ZFHX3: variants seen among roughly 807,000 people sequenced by gnomAD.
The protein encoded by ZFHX3 is zinc finger homeobox protein 3.
A neutral mutation model predicts 279.1 loss-of-function variants in ZFHX3; 42 were observed. The ratio of observed to expected loss-of-function variants is 0.15; its 90% CI spans 0.12 to 0.19. The LOEUF is 0.19. Ranked by LOEUF, ZFHX3 falls within the 10% of genes least tolerant of loss-of-function variation. The pLI is 1.00. For missense variants in ZFHX3, 4,981 were observed against 4,754.0 expected, an observed-to-expected ratio of 1.05 and a Z score of -1.40; for synonymous variants, 2,293 against 1,957.8, an observed-to-expected ratio of 1.17 and a Z score of -4.52.
chr16:73,478,666 A>C (rs868828508), intron 2 of ZFHX3, among the ~76,000 whole-genome samples: 2 of 152,164 alleles, frequency 1.3e-5, no homozygotes, highest in Non-Finnish European at 2.9e-5. Context: ...CTCTTGTATA[A>C]ACAGATAATT....
chr16:73,814,973 A>G (rs1006297177), intron 1 of ZFHX3, among the ~76,000 whole-genome samples: 1 of 152,134 alleles, frequency 6.6e-6, no homozygotes, highest in Non-Finnish European at 1.5e-5. Context: ...CTCTCAAGAG[A>G]TTTTTTTAAT....
chr16:73,573,796 G>A (rs914092139), intron 2 of ZFHX3, among the ~76,000 whole-genome samples: 1 of 152,104 alleles, frequency 6.6e-6, no homozygotes, highest in Admixed American at 6.5e-5. Context: ...ATAGAAAACC[G>A]TACACAATGT....
chr16:72,894,293 C>G lies in ZFHX3; in HGVS notation c.3217-4331G>C, dbSNP rs1452842507. Among the ~76,000 whole-genome samples the G allele has an allele frequency of 2.0e-5, 3 of 152,160 alleles. No homozygotes were observed. In the East Asian group the frequency reaches 5.8e-4, roughly 29 times the overall value. On this transcript the variant is annotated intron_variant, in intron 3 of 9. Transcript: ENST00000268489. The stretch of plus-strand genomic sequence containing the variant: ...ACAAGTCCTGCTCTCCCCAGATTTT[C>G]CAAGTGTCTCGTTATTTCTTAAGTT...
intron 1 of ZFHX3, among the ~76,000 whole-genome samples, chr16:73,695,482 A>T (rs1443729300): frequency 6.6e-6 from 1 of 152,218 alleles, no homozygotes; most frequent in Non-Finnish European, 1.5e-5. Context: ...GAAGAAATCA[A>T]ACTGCTTGCC....
At chr16:72,804,657 A>G (rs543029749) in intron 7 of ZFHX3, among the ~76,000 whole-genome samples, 1 of 152,130 alleles carries the variant, frequency 6.6e-6, no homozygotes, top group East Asian at 1.9e-4. Context: ...TCAAGGGCAC[A>G]CCTTATACAG....
At chr16:73,728,644 A>G (rs529363102) in intron 1 of ZFHX3, among the ~76,000 whole-genome samples, 1 of 152,122 alleles carries the variant, frequency 6.6e-6, no homozygotes, top group Non-Finnish European at 1.5e-5. Context: ...AGTTAGAGCT[A>G]AAACAGCCCA....
intron 1 of ZFHX3, among the ~76,000 whole-genome samples, chr16:72,985,015 C>G (rs575725224): frequency 3.3e-5 from 5 of 152,012 alleles, no homozygotes; most frequent in African/African-American, 1.2e-4. Flanking sequence ...CCAACACACA[C>G]GTACCCCTAC....
chr16:73,493,865 C>T (rs2019093430), intron 2 of ZFHX3, among the ~76,000 whole-genome samples: 1 of 152,108 alleles, frequency 6.6e-6, no homozygotes, highest in Non-Finnish European at 1.5e-5. Flanking sequence ...GCACTCTGTC[C>T]CCAGACCTCA....
chr16:73,594,684 C>T (rs1420108718), intron 2 of ZFHX3, among the ~76,000 whole-genome samples: 1 of 152,134 alleles, frequency 6.6e-6, no homozygotes, highest in Non-Finnish European at 1.5e-5. Context: ...AAAGGAGTAC[C>T]TTTTCAATAA....
At chr16:73,189,871 G>T (rs1967990199) in intron 5 of ZFHX3, among the ~76,000 whole-genome samples, 1 of 152,198 alleles carries the variant, frequency 6.6e-6, no homozygotes, top group Non-Finnish European at 1.5e-5. Flanking sequence ...AGGCAGGAGG[G>T]TCACCTGAGC....
chr16:73,078,664 A>C (rs535976148), intron 8 of ZFHX3, among the ~76,000 whole-genome samples: 1 of 147,542 alleles, frequency 6.8e-6, no homozygotes, highest in Admixed American at 6.7e-5. Context: ...TTTTTTTTTG[A>C]GATGGAGTCT....
intron 5 of ZFHX3, among the ~76,000 whole-genome samples, chr16:73,163,120 T>C (rs1043348452): frequency 3.3e-5 from 5 of 152,168 alleles, no homozygotes; most frequent in African/African-American, 1.2e-4. Flanking sequence ...ACAACACATG[T>C]ATTTTTTCTA....
chr16:73,218,101 G>A (rs931409283), intron 5 of ZFHX3, among the ~76,000 whole-genome samples: 16 of 152,102 alleles, frequency 1.1e-4, no homozygotes, highest in African/African-American at 3.4e-4. Flanking sequence ...CATATTTAGT[G>A]TACTGTGGAA....
chr16:73,362,544 G>C (rs948780527), intron 3 of ZFHX3, among the ~76,000 whole-genome samples: 3 of 152,204 alleles, frequency 2.0e-5, no homozygotes, highest in African/African-American at 7.2e-5. Flanking sequence ...GTGTAAAGAA[G>C]GATCAGTGAA....
At chr16:73,842,752 G>A (rs920502361) in intron 1 of ZFHX3, among the ~76,000 whole-genome samples, 1 of 152,112 alleles carries the variant, frequency 6.6e-6, no homozygotes, top group African/African-American at 2.4e-5. Flanking sequence ...TCCAGGGTAG[G>A]GGCTGCGCAA....
intron 1 of ZFHX3, among the ~76,000 whole-genome samples, chr16:73,778,888 T>C (rs1270518037): frequency 1.3e-5 from 2 of 152,214 alleles, no homozygotes; most frequent in Admixed American, 6.5e-5. Context: ...TCTGGGAAGT[T>C]GAAAGTAGGA....
At chr16:73,022,539 C>T (rs1025244640) in intron 1 of ZFHX3, among the ~76,000 whole-genome samples, 4 of 152,148 alleles carry the variant, frequency 2.6e-5, no homozygotes, top group Non-Finnish European at 5.9e-5. Flanking sequence ...CACTGGATGC[C>T]AGTAGCATCC....
At chr16:73,299,897 T>C (rs1414700962) in intron 4 of ZFHX3, among the ~76,000 whole-genome samples, 2 of 152,226 alleles carry the variant, frequency 1.3e-5, no homozygotes, top group African/African-American at 4.8e-5. Context: ...ATGATCTCTC[T>C]CTTTCTTCTG....
At chr16:73,255,328 G>A (rs1212136697) in intron 5 of ZFHX3, among the ~76,000 whole-genome samples, 2 of 152,122 alleles carry the variant, frequency 1.3e-5, no homozygotes, top group Non-Finnish European at 2.9e-5. Context: ...CTAGAAACAA[G>A]GTAAACAAAT....
Sources: allele counts gnomAD v4.1 joint callset (sites outside exome capture counted in the v4.1 genomes callset), GRCh38; gene constraint gnomAD v4.1.1; transcripts MANE v1.5; gene names NCBI Gene and HGNC (gene_info 2026-07-23, HGNC 2026-07-21).